ANKFN1: variants seen among roughly 807,000 people sequenced by gnomAD.
ANKFN1 encodes ankyrin repeat and fibronectin type III domain containing 1, also known as ankyrin repeat and fibronectin type-III domain-containing protein 1.
ANKFN1 carries 74 observed loss-of-function variants against 108.7 expected under a neutral mutation model. The observed-to-expected ratio is 0.68, with a 90% CI of 0.56 to 0.83. The LOEUF is 0.83. Among genes scored for constraint, ANKFN1 ranks in the 40% least tolerant of loss-of-function variants. The pLI, the probability that ANKFN1 is intolerant of heterozygous loss-of-function variation, is 0.00. For missense variants in ANKFN1, 1,505 were observed against 1,382.3 expected (o/e 1.09, Z -1.41); for synonymous variants, 547 against 516.2 (o/e 1.06, Z -0.81).
intron 4 of ANKFN1, among the ~76,000 whole-genome samples, chr17:56,074,871 G>C (rs1905163389): frequency 6.6e-6 from 1 of 152,208 alleles, no homozygotes; most frequent in Non-Finnish European, 1.5e-5. Context: ...GGGAGAGTCA[G>C]AGCGGAGCAG....
intron 8 of ANKFN1, among the ~76,000 whole-genome samples, chr17:56,404,531 A>T (rs540521164): frequency 6.6e-6 from 1 of 152,070 alleles, no homozygotes; most frequent in Non-Finnish European, 1.5e-5. Context: ...TCTTCAAGCG[A>T]TCTATGTCCT....
rs546436608 is a variant in ANKFN1 at position 56,108,445 on chromosome 17, A to G, written c.288+62120A>G. On this transcript the variant is annotated intron_variant, in intron 4 of 12. Transcript: ENST00000635860. ...CTTGCATTCCTTCACCAGAAACTTC[A>G]TGTGTTTAACAAATGCTTAGAACAC... Among the ~76,000 whole-genome samples the G allele has an allele frequency of 4.6e-5, 7 of 152,312 alleles. No homozygotes were observed. The South Asian group carries it at 1.2e-3, about 27-fold the overall frequency.
chr17:56,304,720 T>A (rs1227978660), intron 3 of ANKFN1, among the ~76,000 whole-genome samples: 3 of 152,186 alleles, frequency 2.0e-5, no homozygotes, highest in Admixed American at 1.3e-4. Context: ...TCAATTTGCA[T>A]TCCCCTAATG....
At chr17:56,328,426 A>G (rs184986600) in intron 4 of ANKFN1, among the ~76,000 whole-genome samples, 6 of 152,346 alleles carry the variant, frequency 3.9e-5, no homozygotes, top group East Asian at 1.9e-4. Flanking sequence ...ATAAAATTCA[A>G]ACATTCCTAG....
chr17:56,405,651 T>C (rs2047898791), intron 8 of ANKFN1, among the ~76,000 whole-genome samples: 1 of 152,146 alleles, frequency 6.6e-6, no homozygotes, highest in Admixed American at 6.6e-5. Context: ...AAATATAGAG[T>C]ATCTTTCAAT....
At chr17:56,375,564 G>A (rs1371932363) in intron 8 of ANKFN1, among the ~76,000 whole-genome samples, 1 of 152,154 alleles carries the variant, frequency 6.6e-6, no homozygotes, top group Non-Finnish European at 1.5e-5. Flanking sequence ...CAGGATCAGA[G>A]GTAGACTTTT....
chr17:56,268,654 A>G (rs2144164451), intron 3 of ANKFN1, among the ~76,000 whole-genome samples: 1 of 152,290 alleles, frequency 6.6e-6, no homozygotes, highest in South Asian at 2.1e-4. Context: ...TGGTTTTTTG[A>G]AAGAATAAAT....
At chr17:56,477,689 G>A in intron 16 of ANKFN1, 35 bp downstream of exon 16, 1 of 1,601,632 alleles carries the variant, frequency 6.2e-7, no homozygotes, top group Non-Finnish European at 8.5e-7. Flanking sequence ...TCCTTGTGAT[G>A]AAACAGTGGC....
intron 4 of ANKFN1, among the ~76,000 whole-genome samples, chr17:56,062,573 T>TTTTTTTTTTC (rs1555589520): frequency 4.1e-5 from 6 of 145,144 alleles, no homozygotes; most frequent in African/African-American, 1.7e-4. Flanking sequence ...TTTTTTTTTT[T>TTTTTTTTTTC]CTTTCCATTT....
chr17:56,320,424 C>T (rs2045330137), intron 3 of ANKFN1, among the ~76,000 whole-genome samples: 1 of 152,062 alleles, frequency 6.6e-6, no homozygotes, highest in Admixed American at 6.6e-5. Context: ...CCTGACTGCC[C>T]TAGAGGATAT....
At chr17:56,373,591 T>C (rs1477623249) in intron 7 of ANKFN1, among the ~76,000 whole-genome samples, 1 of 152,234 alleles carries the variant, frequency 6.6e-6, no homozygotes, top group Non-Finnish European at 1.5e-5. Flanking sequence ...GGTCTCTGCC[T>C]CTGCTGCAGG....
intron 8 of ANKFN1, among the ~76,000 whole-genome samples, chr17:56,400,785 C>T: frequency 6.6e-6 from 1 of 151,898 alleles, no homozygotes; most frequent in Non-Finnish European, 1.5e-5. Flanking sequence ...GATGAGGATC[C>T]AGTTTCATTC....
chr17:56,328,853 C>T (rs1344220416), intron 4 of ANKFN1, among the ~76,000 whole-genome samples: 3 of 152,110 alleles, frequency 2.0e-5, no homozygotes, highest in Non-Finnish European at 4.4e-5. Flanking sequence ...CACTGGGTTT[C>T]CTGATCTCTC....
chr17:56,511,321 A>C lies in ANKFN1; in HGVS notation c.*52A>C. 1 of 1,453,758 alleles carries C rather than the reference A, an allele frequency of 6.9e-7. No individual in the cohort carries two copies. Among genetic ancestry groups the C allele is most frequent in the African/African-American group, 1.4e-5 (1 of 71,286 alleles). The allele number at this position is 1,453,758 out of a possible 1,614,324, so 90.1% of individuals were successfully genotyped here. Reference sequence around the variant, plus strand: ...TCCATGGCTGCTACCTGCGTTTTACATCACCCTTACCCCCATCCTGCCCCA... The same window carrying C: ...TCCATGGCTGCTACCTGCGTTTTACCTCACCCTTACCCCCATCCTGCCCCA... On this transcript the variant is annotated 3_prime_UTR_variant, in exon 21 of 21. Transcript: ENST00000682825.
At chr17:56,438,705 G>C (rs1339406071) in intron 8 of ANKFN1, among the ~76,000 whole-genome samples, 1 of 152,130 alleles carries the variant, frequency 6.6e-6, no homozygotes, top group Non-Finnish European at 1.5e-5. Context: ...GACAGTAGGA[G>C]CATGCCACCA....
chr17:56,467,779 GAAAGAAAGAAAGAAGAAAGA>G (rs1175498108), intron 15 of ANKFN1, among the ~76,000 whole-genome samples: 193 of 17,382 alleles, frequency 0.011, no homozygotes, highest in Non-Finnish European at 0.017. Flanking sequence ...AAGAAAGAAA[GAAAGAAAGAAAGAAGAAAGA>G]AAGAAAGAAA....
chr17:56,050,737 G>T (rs1567777643), intron 4 of ANKFN1, among the ~76,000 whole-genome samples: 1 of 152,048 alleles, frequency 6.6e-6, no homozygotes, highest in Non-Finnish European at 1.5e-5. Context: ...GCTCTGTTCT[G>T]TTCCATTGAT....
intron 14 of ANKFN1, among the ~76,000 whole-genome samples, chr17:56,458,385 T>C (rs1172978955): frequency 6.6e-6 from 1 of 151,992 alleles, no homozygotes; most frequent in African/African-American, 2.4e-5. Flanking sequence ...CATTAATGAG[T>C]ATATGAAGAT....
chr17:56,338,639 G>A (rs150900872), intron 4 of ANKFN1, among the ~76,000 whole-genome samples: 135 of 151,798 alleles, frequency 8.9e-4, no homozygotes, highest in African/African-American at 3.1e-3. Context: ...TAACACTTGA[G>A]GTTTCTTTTT....
Sources: gnomAD v4.1 joint callset for allele counts (sites outside exome capture counted in the v4.1 genomes callset) on GRCh38, gnomAD v4.1.1 for gene constraint, MANE v1.5 for transcripts, NCBI Gene and HGNC (gene_info 2026-07-23, HGNC 2026-07-21) for gene names.